Variants in RBM4 observed in about 807,000 individuals in gnomAD.
The protein encoded by RBM4 is RNA binding motif protein 4, also known as RNA-binding protein 4.
In RBM4, 7 loss-of-function variants were observed where a neutral mutation model predicts 29.5. The ratio of observed to expected loss-of-function variants is 0.24; its 90% confidence interval spans 0.14 to 0.45. The LOEUF (loss-of-function observed/expected upper bound fraction) is 0.45. RBM4 is among the 20% of genes least tolerant of loss of function. The pLI, the probability that RBM4 is intolerant of heterozygous loss-of-function variation, is 1.00. For missense variants in RBM4, 387 were observed against 502.3 expected (o/e 0.77, Z 2.19); for synonymous variants, 220 against 205.4 (o/e 1.07, Z -0.61).
chr11:66,649,846 G>A (rs1938788235), downstream of RBM4: 1 of 685,700 alleles, frequency 1.5e-6, no homozygotes, highest in Non-Finnish European at 2.6e-6. Context: ...CAGAGTTTTT[G>A]CAGGGACTAT....
chr11:66,649,129 C>G (rs549381771), downstream of RBM4, among the ~76,000 whole-genome samples: 15 of 152,172 alleles, frequency 9.9e-5, no homozygotes, highest in African/African-American at 3.6e-4. Flanking sequence ...GCCTCAGCCT[C>G]CTGCGTAGCT....
At chr11:66,665,705 G>T in intron 2 of RBM4, 1 of 1,464,624 alleles carries the variant, frequency 6.8e-7, no homozygotes, top group East Asian at 2.5e-5. Flanking sequence ...AACCAAGTCA[G>T]ACTGGATCTA....
chr11:66,644,498 CT>C (rs1341388505), intron 3 of RBM4: 2 of 253,784 alleles, frequency 7.9e-6, no homozygotes, highest in Non-Finnish European at 1.4e-5. Flanking sequence ...TTCTTAGAGC[CT>C]TTGTTAAGTT....
chr11:66,657,682 CAAAAA>C (rs763265823), intron 2 of RBM4, among the ~76,000 whole-genome samples: 2 of 28,070 alleles, frequency 7.1e-5, no homozygotes, highest in East Asian at 1.2e-3. Context: ...GATTCCATCT[CAAAAA>C]AAAAAAAAAA....
chr11:66,651,096 G>A (rs1255132252), downstream of RBM4, among the ~76,000 whole-genome samples: 3 of 151,862 alleles, frequency 2.0e-5, no homozygotes, highest in Non-Finnish European at 4.4e-5. Flanking sequence ...TTACCCTAGA[G>A]CTACACATCA....
chr11:66,658,736 A>T (rs1939011133), intron 2 of RBM4, among the ~76,000 whole-genome samples: 1 of 152,044 alleles, frequency 6.6e-6, no homozygotes, highest in Admixed American at 6.6e-5. Flanking sequence ...CAGGAGTTTG[A>T]GACCAGCCTG....
exon 3 of RBM4, chr11:66,666,595 T>C (rs1939237474): frequency 5.4e-6 from 1 of 183,878 alleles, no homozygotes; most frequent in African/African-American, 2.4e-5. Flanking sequence ...GCAATACCTT[T>C]TGAAGACCAC....
At chr11:66,649,741 C>T (rs1380302890), downstream of RBM4, 6 of 701,608 alleles carry the variant, frequency 8.6e-6, no homozygotes, top group Non-Finnish European at 1.6e-5. Flanking sequence ...TTTAGACATC[C>T]AGCTCTGTCA....
intron 2 of RBM4, among the ~76,000 whole-genome samples, chr11:66,661,756 G>A (rs1038754950): frequency 6.6e-6 from 1 of 152,202 alleles, no homozygotes; most frequent in Non-Finnish European, 1.5e-5. Flanking sequence ...TTGGCCAGGT[G>A]TGGTGGCTCA....
At chr11:66,640,293 G>A (rs1383275484) in intron 2 of RBM4, 170 bp downstream of exon 2, 2 of 886,780 alleles carry the variant, frequency 2.3e-6, no homozygotes, top group African/African-American at 1.7e-5. Context: ...GGACTTAGGG[G>A]CTTTACCTTA....
At chr11:66,655,603 AT>A (rs1380631822) in intron 2 of RBM4, among the ~76,000 whole-genome samples, 1 of 152,200 alleles carries the variant, frequency 6.6e-6, no homozygotes, top group Admixed American at 6.5e-5. Context: ...AAAAAGTGAG[AT>A]TTGAGCAATG....
At chr11:66,660,364 T>C (rs1477798306) in intron 2 of RBM4, among the ~76,000 whole-genome samples, 1 of 149,504 alleles carries the variant, frequency 6.7e-6, no homozygotes, top group Admixed American at 6.6e-5. Flanking sequence ...TTTTTTTTTT[T>C]TTTTTTGAGA....
intron 2 of RBM4, among the ~76,000 whole-genome samples, chr11:66,655,290 TTTTC>T (rs1243622898): frequency 6.6e-6 from 1 of 151,170 alleles, no homozygotes; most frequent in Non-Finnish European, 1.5e-5. Context: ...TCGGCACTTC[TTTTC>T]TTTTTTTTTT....
At chr11:66,657,133 T>TTA (rs1938965033) in intron 2 of RBM4, among the ~76,000 whole-genome samples, 2 of 145,886 alleles carry the variant, frequency 1.4e-5, no homozygotes, top group Admixed American at 6.9e-5. Flanking sequence ...TTTTTTTTTT[T>TTA]AGGTGCGGTC....
At chr11:66,639,464 C>CCTTTGTCT in intron 1 of RBM4, 2 of 573,644 alleles carry the variant, frequency 3.5e-6, no homozygotes. Flanking sequence ...CTTACCAAAC[C>CCTTTGTCT]CTTTGTCTAC....
chr11:66,653,848 C>G (rs1426096854), intron 2 of RBM4, among the ~76,000 whole-genome samples: 1 of 146,308 alleles, frequency 6.8e-6, no homozygotes, highest in Non-Finnish European at 1.5e-5. Flanking sequence ...GAGTCCTGCT[C>G]TGTCGCCCAG....
chr11:66,651,152 C>T (rs1040518780), downstream of RBM4, among the ~76,000 whole-genome samples: 1 of 152,074 alleles, frequency 6.6e-6, no homozygotes, highest in South Asian at 2.1e-4. Context: ...AGAGTGAGAT[C>T]ATTGATCATT....
chr11:66,641,935 G>A (rs1786058069), intron 2 of RBM4, among the ~76,000 whole-genome samples: 1 of 152,098 alleles, frequency 6.6e-6, no homozygotes, highest in Non-Finnish European at 1.5e-5. Flanking sequence ...CTTAGATTAA[G>A]GCGTTTATTA....
intron 2 of RBM4, among the ~76,000 whole-genome samples, chr11:66,662,079 A>G (rs555170173): frequency 6.6e-6 from 1 of 152,340 alleles, no homozygotes; most frequent in Non-Finnish European, 1.5e-5. Context: ...TTTGGTGTGA[A>G]AGGTTTTCTA....
Sources: allele counts gnomAD v4.1 joint callset (sites outside exome capture counted in the v4.1 genomes callset), GRCh38; gene constraint gnomAD v4.1.1; transcripts MANE v1.5; gene names NCBI Gene and HGNC (gene_info 2026-07-23, HGNC 2026-07-21).